The following ADGRF3 variants were observed in gnomAD, a reference collection of about 807,000 sequenced individuals.
The protein encoded by ADGRF3 is adhesion G protein-coupled receptor F3, also known as G protein-coupled receptor 113.
ADGRF3 carries 85 observed loss-of-function variants against 93.2 expected under a neutral mutation model. That is an observed-to-expected ratio of 0.91 (90% CI 0.77 to 1.09). ADGRF3 has a LOEUF of 1.09. Among genes scored for constraint, ADGRF3 ranks in the 50% least tolerant of loss-of-function variants. ADGRF3 has a pLI of 0.00. For synonymous variants in ADGRF3, 534 were observed against 532.5 expected (o/e 1.00, Z -0.04); for missense variants, 1,125 against 1,246.2 (o/e 0.90, Z 1.46).
intron 1 of ADGRF3, among the ~76,000 whole-genome samples, chr2:26,331,897 T>A (rs1182726081): frequency 6.6e-6 from 1 of 152,236 alleles, no homozygotes; most frequent in Admixed American, 6.5e-5. Context: ...TAATCACTGA[T>A]AAGTTTAAAT....
chr2:26,340,531 G>T (rs1258721874), intron 1 of ADGRF3: 2 of 152,096 alleles, frequency 1.3e-5, no homozygotes, highest in East Asian at 1.9e-4. Context: ...AATTAAAAAA[G>T]AACAGTGGTT....
At chr2:26,314,787 C>T (rs1674511034) in intron 5 of ADGRF3, 164 bp from the exon 6 acceptor site, 9 of 622,186 alleles carry the variant, frequency 1.4e-5, no homozygotes, top group Non-Finnish European at 2.6e-5. Context: ...GTGGACATTC[C>T]CTGTCCCCAA....
Position 26,310,785 on chromosome 2 carries a change from G to C in ADGRF3, c.2739C>G (p.Ile913Met). The change falls in exon 10 of 14, where the codon ATC becomes ATG. Residue 913 changes from isoleucine to methionine, a missense_variant. Coordinates refer to ENST00000651242, the MANE Select transcript of ADGRF3 (RefSeq NM_001321971.2). ...GGCCCAGCCCCCAGGTGAGGCCAAA[G>C]ATGGGTGTAAGAATGAGCAGGGCTT... ...VIKALLILTP[I>M]FGLTWGLGLA... is the part of the protein sequence containing the mutation. 6.2e-7 allele frequency: 1 copy of C among 1,613,754 alleles called. No individual in the cohort carries two copies. The highest frequency in any genetic ancestry group is 8.5e-7 in the Non-Finnish European group (1 of 1,179,752).
intron 1 of ADGRF3, among the ~76,000 whole-genome samples, chr2:26,343,809 C>CATGTTACACAG (rs1316374002): frequency 6.6e-6 from 1 of 152,284 alleles, no homozygotes; most frequent in East Asian, 1.9e-4. Flanking sequence ...ATTACACAGC[C>CATGTTACACAG]AGTAACATGT....
chr2:26,328,220 GTAA>G (rs1185037060), intron 1 of ADGRF3, among the ~76,000 whole-genome samples: 3 of 151,958 alleles, frequency 2.0e-5, no homozygotes, highest in African/African-American at 7.2e-5. Context: ...TCCCCTATAA[GTAA>G]TCTATCATTT....
chr2:26,337,136 G>A (rs1033363256), intron 1 of ADGRF3, among the ~76,000 whole-genome samples: 3 of 152,144 alleles, frequency 2.0e-5, no homozygotes, highest in African/African-American at 4.8e-5. Flanking sequence ...CAAATATAGG[G>A]GCAGTGATTG....
chr2:26,336,368 GTGTA>G (rs569319044), intron 1 of ADGRF3, among the ~76,000 whole-genome samples: 2 of 149,636 alleles, frequency 1.3e-5, no homozygotes, highest in Admixed American at 6.7e-5. Flanking sequence ...GTGTGTGCGT[GTGTA>G]TGTGTGTCTG....
chr2:26,310,327 C>T (rs1025676215), intron 10 of ADGRF3, 90 bp from the exon 11 acceptor site: 2 of 1,413,320 alleles, frequency 1.4e-6, no homozygotes, highest in African/African-American at 1.4e-5. Flanking sequence ...AATTCACATC[C>T]TAAGGCTTCT....
At chr2:26,345,974 C>T (rs1000201217) in intron 1 of ADGRF3, 147 bp downstream of exon 1, 1 of 720,032 alleles carries the variant, frequency 1.4e-6, no homozygotes, top group East Asian at 2.7e-5. Context: ...TGGACAACAG[C>T]AGTGTCGGGG....
chr2:26,327,783 G>A (rs1260386101), intron 1 of ADGRF3, among the ~76,000 whole-genome samples: 3 of 151,538 alleles, frequency 2.0e-5, no homozygotes, highest in South Asian at 2.1e-4. Context: ...CTTTTATTAG[G>A]AGCCTACTCC....
intron 1 of ADGRF3, among the ~76,000 whole-genome samples, chr2:26,325,224 C>T (rs1024687458): frequency 6.6e-6 from 1 of 152,124 alleles, no homozygotes; most frequent in African/African-American, 2.4e-5. Context: ...AGCTAATCCT[C>T]GGCTGACACA....
intron 1 of ADGRF3, among the ~76,000 whole-genome samples, chr2:26,339,666 T>C (rs1676261326): frequency 6.6e-6 from 1 of 152,216 alleles, no homozygotes; most frequent in Non-Finnish European, 1.5e-5. Flanking sequence ...TCTCATGGTA[T>C]ATACTCCCTT....
At chr2:26,330,739 G>C (rs967609299) in intron 1 of ADGRF3, among the ~76,000 whole-genome samples, 2 of 152,164 alleles carry the variant, frequency 1.3e-5, no homozygotes, top group East Asian at 3.8e-4. Flanking sequence ...TTCTTCTGTA[G>C]TTCTGTCTGT....
chr2:26,309,933 C>A, intron 12 of ADGRF3, 110 bp downstream of exon 12: 1 of 1,609,982 alleles, frequency 6.2e-7, no homozygotes, highest in Non-Finnish European at 8.5e-7. Context: ...AAAAACAACC[C>A]CAATCTTCTC....
chr2:26,315,563 TG>T lies in ADGRF3; in HGVS notation c.676del (p.Gln226ArgfsTer18). The T allele has an allele frequency of 3.9e-6, 6 of 1,551,504 alleles. No homozygotes were observed. The highest frequency in any genetic ancestry group is 5.2e-6 in the Non-Finnish European group (6 of 1,146,978). ...TQVSVTSSHGQAALSVSNMSH... is the reference protein window; with the variant it reads ...TQVSVTSSHGXAALSVSNMSH... ...CATGTTGGAGACGCTGAGGGCAGCCTGGCCGTGGCTGGAAGTCACAGACACC... is the reference window on the plus strand; with the variant it reads ...CATGTTGGAGACGCTGAGGGCAGCCTGCCGTGGCTGGAAGTCACAGACACC... On this transcript the variant is annotated frameshift_variant, in exon 5 of 14. Coordinates refer to ENST00000651242, the MANE Select transcript of ADGRF3 (RefSeq NM_001321971.2). LOFTEE classifies it high-confidence loss of function.
chr2:26,308,211 C>T lies in ADGRF3; in HGVS notation c.*875G>A, dbSNP rs1265725870. 1 of 151,904 alleles carries T rather than the reference C, an allele frequency of 6.6e-6. No homozygotes were observed. The highest frequency in any genetic ancestry group is 1.5e-5 in the Non-Finnish European group (1 of 67,980). 9.4% of individuals were successfully genotyped at this position (151,904 alleles called of 1,614,324 possible). A position where few individuals can be genotyped will look rare whatever the true frequency, so the allele number is the denominator to read the frequency against. ...CCATTTTTATTTTAACAGAAAATGC[C>T]CCCGTCCCATTTTATAAAAAATATC... On this transcript the variant is annotated 3_prime_UTR_variant, in exon 14 of 14. Coordinates refer to ENST00000651242, the MANE Select transcript of ADGRF3 (RefSeq NM_001321971.2).
chr2:26,311,860 T>G lies in ADGRF3; in HGVS notation c.1664A>C (p.Tyr555Ser), dbSNP rs773540006. 6.2e-7 allele frequency: 1 copy of G among 1,613,710 alleles called. No individual in the cohort carries two copies. The highest frequency in any genetic ancestry group is 1.3e-5 in the African/African-American group (1 of 74,896). The change falls in exon 10 of 14, where the codon TAC becomes TCC. Residue 555 changes from tyrosine (Y) to serine (S), a missense_variant. By Grantham distance (144) the Tyr-to-Ser change is moderately radical (BLOSUM62 -2). Coordinates refer to ENST00000651242, the MANE Select transcript of ADGRF3 (RefSeq NM_001321971.2). ...GGGCCGAGTAGGGAAGGAGATGCTG[T>G]AGTCAGCAGGAAACGTGGGTCCAAA... Reference protein sequence around the residue: ...QLFGPTFPADYSISFPTRPPL... With the variant: ...QLFGPTFPADSSISFPTRPPL...
intron 1 of ADGRF3, among the ~76,000 whole-genome samples, chr2:26,326,070 G>A (rs1334433953): frequency 6.6e-6 from 1 of 152,182 alleles, no homozygotes; most frequent in Non-Finnish European, 1.5e-5. Flanking sequence ...GCAGACATGA[G>A]TCAGCTTCAT....
rs534963300 is a variant in ADGRF3, at chr2:26,335,889, G to T, written c.114+10232C>A. 5.3e-5 allele frequency among the ~76,000 whole-genome samples: 8 copies of T among 152,252 alleles called. No individual in the cohort carries two copies. The South Asian group carries it at 1.5e-3, about 28-fold the overall frequency. ...GGATTACTAGGTTAATAAGTAGGAA[G>T]AGTTTTATGTTAATAGCACTTGTTG... is the stretch of plus-strand genomic sequence containing the variant. On this transcript the variant is annotated intron_variant, in intron 1 of 13. Coordinates refer to ENST00000651242, the MANE Select transcript of ADGRF3 (RefSeq NM_001321971.2).
Sources: gnomAD v4.1 joint callset for allele counts (sites outside exome capture counted in the v4.1 genomes callset) on GRCh38, gnomAD v4.1.1 for gene constraint, MANE v1.5 for transcripts, NCBI Gene and HGNC (gene_info 2026-07-23, HGNC 2026-07-21) for gene names.